Variants in EXTL3 observed in about 807,000 individuals in gnomAD.
EXTL3 encodes the protein exostosin like glycosyltransferase 3, also known as exostosin-like 3.
In EXTL3, 27 loss-of-function variants were observed where a neutral mutation model predicts 69.3. That is an observed-to-expected ratio of 0.39 (90% CI 0.29 to 0.54). EXTL3 has a LOEUF of 0.54. EXTL3 is among the 20% of genes least tolerant of loss of function. EXTL3 has a pLI of 0.69. For synonymous variants in EXTL3, 511 were observed against 499.4 expected (o/e 1.02, Z -0.31); for missense variants, 1,003 against 1,231.8 (o/e 0.81, Z 2.78).
rs1013321064 is a variant in EXTL3, at chr8:28,713,493, C to T, written c.-533C>T. The stretch of plus-strand genomic sequence containing the variant: ...CTGGAGGTTCACTCTTTCAAGAAGT[C>T]GTGTGCTGAGGTGTAATGCTACACA... On this transcript the variant is annotated 5_prime_UTR_variant, in exon 2 of 7. Coordinates refer to ENST00000220562, the MANE Select transcript of EXTL3 (RefSeq NM_001440.4). 5.7e-6 allele frequency: 4 copies of T among 700,330 alleles called. No homozygotes were observed. The highest frequency in any genetic ancestry group is 1.0e-5 in the Non-Finnish European group (4 of 384,196). 43.4% of individuals were successfully genotyped at this position (700,330 alleles called of 1,614,324 possible).
chr8:28,658,925 T>C (rs529148995), intron 1 of EXTL3, among the ~76,000 whole-genome samples: 2 of 152,358 alleles, frequency 1.3e-5, no homozygotes, highest in East Asian at 1.9e-4. Context: ...ATCGTATGTA[T>C]GTAGCACAAT....
rs149014454 is a variant in EXTL3 at position 28,717,013 on chromosome 8, G to A, written c.954G>A (p.Pro318=). 4.7e-5 allele frequency: 76 copies of A among 1,614,068 alleles called. No homozygotes were observed. The highest frequency in any genetic ancestry group is 6.0e-5 in the Non-Finnish European group (71 of 1,180,040). ...YRPGFDLVVS[P]LVHAMSEPNF... ...CTGGCTTTGACTTGGTCGTATCACCGCTGGTCCATGCCATGTCTGAGCCCA... is the reference window on the plus strand; with the variant it reads ...CTGGCTTTGACTTGGTCGTATCACCACTGGTCCATGCCATGTCTGAGCCCA... The change falls in exon 3 of 7, where the codon CCG becomes CCA. Residue 318 remains proline, a synonymous_variant. Coordinates refer to ENST00000220562, the MANE Select transcript of EXTL3 (RefSeq NM_001440.4). This position sits in a 1 kb window ranked among gnomAD's most constrained non-coding sequence, Gnocchi z 8.3.
chr8:28,678,047 A>G (rs753884962), intron 1 of EXTL3: 4 of 152,284 alleles, frequency 2.6e-5, no homozygotes, highest in Admixed American at 1.3e-4. Context: ...CAGGCTTCTC[A>G]TTTCTTTCTC....
rs1217786288 is a variant in EXTL3 at position 28,716,762 on chromosome 8, G to T, written c.703G>T (p.Ala235Ser). 5.0e-6 allele frequency: 8 copies of T among 1,614,116 alleles called. No individual in the cohort carries two copies. Among genetic ancestry groups the T allele is most frequent in the South Asian group, 2.2e-5 (2 of 91,088 alleles). Residue 235 changes from alanine (A) to serine (S), a missense_variant, in exon 3 of 7, where the codon GCC becomes TCC. Physicochemically the swap from Ala to Ser is moderately conservative, Grantham distance 99. Coordinates refer to ENST00000220562, the MANE Select transcript of EXTL3 (RefSeq NM_001440.4). This position sits in a 1 kb window ranked among gnomAD's most constrained non-coding sequence, Gnocchi z 7.1. The stretch of plus-strand genomic sequence containing the variant: ...TTATGTTACAGAAAATGCAGACATC[G>T]CCTGCCTTTACGTGATACTAGTGGG... ...NVYVTENADI[A>S]CLYVILVGEM...
At chr8:28,674,653 A>G (rs916360151) in intron 1 of EXTL3, among the ~76,000 whole-genome samples, 1 of 152,242 alleles carries the variant, frequency 6.6e-6, no homozygotes, top group East Asian at 1.9e-4. Context: ...GGCTATGTGC[A>G]GTTAAAGTGA....
Position 28,716,530 on chromosome 8 carries a change from C to T in EXTL3, c.471C>T (p.Ile157=), listed in dbSNP as rs924846113. 1.2e-5 allele frequency: 19 copies of T among 1,614,018 alleles called. No homozygotes were observed. Among genetic ancestry groups the T allele is most frequent in the African/African-American group, 8.0e-5 (6 of 74,942 alleles). Residue 157 remains isoleucine (I), a synonymous_variant, in exon 3 of 7, where the codon ATC becomes ATT. Transcript: ENST00000220562. This position sits in a 1 kb window ranked among gnomAD's most constrained non-coding sequence, Gnocchi z 7.1. ...ACCAGCCCAAGCTGTCCCTGCCCAT[C>T]CGACTGCTCCCAGAGAAGGACGATG... ...AQNQPKLSLP[I]RLLPEKDDAG...
chr8:28,621,332 G>A (rs537736902), upstream of EXTL3, among the ~76,000 whole-genome samples: 5 of 152,282 alleles, frequency 3.3e-5, no homozygotes, highest in East Asian at 3.9e-4. Context: ...AAAATGCCAC[G>A]TGTACATGAA....
Position 28,751,250 on chromosome 8 carries a change from T to C in EXTL3, c.*384T>C, listed in dbSNP as rs1801997166. On this transcript the variant is annotated 3_prime_UTR_variant, in exon 7 of 7. Coordinates refer to ENST00000220562, the MANE Select transcript of EXTL3 (RefSeq NM_001440.4). Reference sequence around the variant, plus strand: ...AGATTTGCCATTCAAGGCTTATTTATATATATGTGTGTGTATATAAATACA... The same window carrying C: ...AGATTTGCCATTCAAGGCTTATTTACATATATGTGTGTGTATATAAATACA... 1 of 263,100 alleles carries C rather than the reference T, an allele frequency of 3.8e-6. No individual in the cohort carries two copies. The highest frequency in any genetic ancestry group is 2.2e-5 in the African/African-American group (1 of 45,880). The allele number at this position is 263,100 out of a possible 1,614,324, so 16.3% of individuals were successfully genotyped here. A position where few individuals can be genotyped will look rare whatever the true frequency, so the allele number is the denominator to read the frequency against.
intron 1 of EXTL3, among the ~76,000 whole-genome samples, chr8:28,636,343 A>AC (rs952058942): frequency 6.6e-6 from 1 of 151,744 alleles, no homozygotes; most frequent in African/African-American, 2.4e-5. Context: ...AAAAAAAAAA[A>AC]AAACAAATGT....
At chr8:28,659,807 A>G (rs1341546113) in intron 1 of EXTL3, among the ~76,000 whole-genome samples, 1 of 152,154 alleles carries the variant, frequency 6.6e-6, no homozygotes, top group Non-Finnish European at 1.5e-5. Context: ...TCGTTTGCCT[A>G]TATCCTGGTA....
At chr8:28,708,509 C>G (rs1563211545) in intron 1 of EXTL3, among the ~76,000 whole-genome samples, 1 of 150,386 alleles carries the variant, frequency 6.6e-6, no homozygotes. Context: ...AACATACTTC[C>G]TGACTTCACG....
At chr8:28,677,102 A>G (rs1381356111) in intron 1 of EXTL3, among the ~76,000 whole-genome samples, 1 of 152,170 alleles carries the variant, frequency 6.6e-6, no homozygotes, top group Non-Finnish European at 1.5e-5. Context: ...CAGTAGAGAC[A>G]GGGAGAAGTT....
chr8:28,612,403 G>A (rs1215809323), intron 2 of EXTL3, among the ~76,000 whole-genome samples: 4 of 151,230 alleles, frequency 2.6e-5, no homozygotes, highest in African/African-American at 9.7e-5. Flanking sequence ...GCAGTGAGCC[G>A]AGATCATGCC....
chr8:28,745,146 A>C (rs1801862350), intron 6 of EXTL3, among the ~76,000 whole-genome samples: 1 of 151,028 alleles, frequency 6.6e-6, no homozygotes, highest in East Asian at 2.0e-4. Context: ...TGAATGTGCC[A>C]TGGGCGTGTC....
At position 28,717,201 on chromosome 8, in the gene EXTL3, C is replaced by T; in HGVS notation, c.1142C>T (p.Ala381Val). ...PPADYDDRII[A>V]TLKAVQDSKL... ...GCCGACTACGATGACCGGATCATTG[C>T]CACCCTGAAGGCGGTGCAGGACAGC... The change falls in exon 3 of 7, where the codon GCC (alanine) becomes GTC (valine). Residue 381 changes from alanine (A) to valine (V), a missense_variant. Physicochemically the swap from Ala to Val is moderately conservative, Grantham distance 64. This residue lies in a region of EXTL3 where 742 missense variants were observed against 815.4 expected (regional missense o/e 0.91). Coordinates refer to ENST00000220562, the MANE Select transcript of EXTL3 (RefSeq NM_001440.4). This position sits in a 1 kb window ranked among gnomAD's most constrained non-coding sequence, Gnocchi z 8.3. 3 of 1,614,238 alleles carry T rather than the reference C, an allele frequency of 1.9e-6. No homozygotes were observed. Among genetic ancestry groups the T allele is most frequent in the South Asian group, 1.1e-5 (1 of 91,086 alleles).
chr8:28,686,597 AG>A (rs1478403483), intron 1 of EXTL3, among the ~76,000 whole-genome samples: 1 of 152,234 alleles, frequency 6.6e-6, no homozygotes, highest in Non-Finnish European at 1.5e-5. Context: ...ACTTATGTTA[AG>A]GAATTGAGAC....
intron 6 of EXTL3, among the ~76,000 whole-genome samples, chr8:28,747,676 T>C (rs1217620099): frequency 1.3e-5 from 2 of 151,910 alleles, no homozygotes; most frequent in South Asian, 2.1e-4. Flanking sequence ...TACATACATA[T>C]ATATATACAC....
chr8:28,703,726 C>G (rs112276590), intron 1 of EXTL3, among the ~76,000 whole-genome samples: 52 of 152,244 alleles, frequency 3.4e-4, no homozygotes, highest in African/African-American at 1.2e-3. Flanking sequence ...TTGTATGTTA[C>G]TCTAGAGTGA....
At position 28,717,128 on chromosome 8, in the gene EXTL3, C is replaced by T; in HGVS notation, c.1069C>T (p.Leu357Phe). Residue 357 changes from leucine (L) to phenylalanine (F), a missense_variant, in exon 3 of 7, where the codon CTT becomes TTT. By Grantham distance (22) the Leu-to-Phe change is conservative. Coordinates refer to ENST00000220562, the MANE Select transcript of EXTL3 (RefSeq NM_001440.4). This position sits in a 1 kb window ranked among gnomAD's most constrained non-coding sequence, Gnocchi z 8.3. Reference sequence around the variant, plus strand: ...GAAGATTGAGTCTCTGAGGTCTAGCCTTCAGGAGGCCCGCTCCTTCGAAGA... The same window carrying T: ...GAAGATTGAGTCTCTGAGGTCTAGCTTTCAGGAGGCCCGCTCCTTCGAAGA... ...GEKIESLRSSLQEARSFEEEM... is the reference protein window; with the variant it reads ...GEKIESLRSSFQEARSFEEEM... 1 of 1,614,232 alleles carries T rather than the reference C, an allele frequency of 6.2e-7. No individual in the cohort carries two copies. Among genetic ancestry groups the T allele is most frequent in the South Asian group, 1.1e-5 (1 of 91,090 alleles).
Sources: gnomAD v4.1 joint callset for allele counts (sites outside exome capture counted in the v4.1 genomes callset) on GRCh38, gnomAD v4.1.1 for gene constraint, gnomAD v4.1.1 regional missense constraint, Gnocchi (gnomAD v3.1) non-coding constraint, MANE v1.5 for transcripts, NCBI Gene and HGNC (gene_info 2026-07-23, HGNC 2026-07-21) for gene names.